ZFHX3: variants seen among roughly 807,000 people sequenced by gnomAD.
ZFHX3 encodes the protein zinc finger homeobox protein 3.
Under a neutral mutation model 279.1 loss-of-function variants are expected in ZFHX3, and 42 were observed. The observed-to-expected ratio is 0.15, with a 90% CI of 0.12 to 0.19. ZFHX3 has a LOEUF of 0.19. Ranked by LOEUF, ZFHX3 falls within the 10% of genes least tolerant of loss-of-function variation. The pLI, the probability that ZFHX3 is intolerant of heterozygous loss-of-function variation, is 1.00. For missense variants in ZFHX3, 4,981 were observed against 4,754.0 expected (o/e 1.05, Z -1.40); for synonymous variants, 2,293 against 1,957.8 (o/e 1.17, Z -4.52).
chr16:72,958,716 TCCTCCTCCTCCTCCG>T lies in ZFHX3; in HGVS notation c.1415_1429del (p.Ala472_Glu476del). The T allele has an allele frequency of 6.2e-7, 1 of 1,610,920 alleles. No homozygotes were observed. The highest frequency in any genetic ancestry group is 8.5e-7 in the Non-Finnish European group (1 of 1,178,336). On this transcript the variant is annotated inframe_deletion, in exon 2 of 10. Transcript: ENST00000268489. ...CTCCTCTTCTTCCTCCTCCTCTTCT[TCCTCCTCCTCCTCCG>T]CCTCTTCCTCCTCCTCTTCCTCCTC... is the stretch of plus-strand genomic sequence containing the variant.
chr16:73,135,295 G>C (rs1408557024), intron 6 of ZFHX3, among the ~76,000 whole-genome samples: 1 of 152,148 alleles, frequency 6.6e-6, no homozygotes, highest in African/African-American at 2.4e-5. Context: ...TACACACCGA[G>C]TTCATTCACC....
chr16:73,602,913 G>A (rs1327852561), intron 2 of ZFHX3, among the ~76,000 whole-genome samples: 1 of 147,548 alleles, frequency 6.8e-6, no homozygotes, highest in Non-Finnish European at 1.5e-5. Context: ...ACTCCAGCCT[G>A]GGTGAAACAG....
rs549452566 is a variant in ZFHX3 at position 73,412,588 on chromosome 16, G to C, written c.-1291+43415C>G. The stretch of plus-strand genomic sequence containing the variant: ...GGCCTCATACTTTGCCTCAGGGCAA[G>C]GTCTGTAGTGTTAAGACTGCCGATG... On this transcript the variant is annotated intron_variant, in intron 3 of 17. Coordinates refer to the ZFHX3 transcript ENST00000641206. 9.9e-5 allele frequency among the ~76,000 whole-genome samples: 15 copies of C among 152,256 alleles called. No individual in the cohort carries two copies. In the South Asian group the frequency reaches 2.7e-3, roughly 27 times the overall value.
intron 3 of ZFHX3, among the ~76,000 whole-genome samples, chr16:72,890,370 G>A (rs1249088611): frequency 6.6e-6 from 1 of 152,088 alleles, no homozygotes; most frequent in Non-Finnish European, 1.5e-5. Flanking sequence ...GTTTCCTGAG[G>A]CCTCCCCACC....
intron 3 of ZFHX3, among the ~76,000 whole-genome samples, chr16:73,332,172 A>C (rs2015817623): frequency 6.6e-6 from 1 of 152,248 alleles, no homozygotes; most frequent in African/African-American, 2.4e-5. Flanking sequence ...AGTTGACTAC[A>C]TAATAAAACC....
At chr16:72,943,333 A>C (rs1960501211) in intron 3 of ZFHX3, among the ~76,000 whole-genome samples, 1 of 152,172 alleles carries the variant, frequency 6.6e-6, no homozygotes, top group Admixed American at 6.5e-5. Context: ...CAGGAGTTTG[A>C]GACCAGCCTG....
At position 72,788,065 on chromosome 16, in the gene ZFHX3, G is replaced by T; in HGVS notation, c.10211C>A (p.Pro3404His). 1 of 1,611,964 alleles carries T rather than the reference G, an allele frequency of 6.2e-7. No homozygotes were observed. ...TTTGTCTGGGGAAGGAGCCCCGGGG[G>T]GGACTGGGGTTTGGCTTGCTTTGGG... ...QQPKASQTPV[P>H]PGAPSPDKDP... The change falls in exon 10 of 10, where the codon CCC becomes CAC. Residue 3404 changes from proline (P) to histidine (H), a missense_variant. Physicochemically the swap from Pro to His is moderately conservative, Grantham distance 77. Coordinates refer to ENST00000268489, the MANE Select transcript of ZFHX3 (RefSeq NM_006885.4).
At chr16:72,808,746 C>T (rs1186668022) in intron 7 of ZFHX3, among the ~76,000 whole-genome samples, 3 of 152,204 alleles carry the variant, frequency 2.0e-5, no homozygotes, top group African/African-American at 4.8e-5. Flanking sequence ...TACATAATTA[C>T]ATTGTCAGGG....
intron 2 of ZFHX3, among the ~76,000 whole-genome samples, chr16:73,678,246 G>A (rs1407681006): frequency 1.3e-5 from 2 of 152,250 alleles, no homozygotes; most frequent in African/African-American, 4.8e-5. Flanking sequence ...TGAACAGCAT[G>A]CAGTGAGTAA....
intron 2 of ZFHX3, among the ~76,000 whole-genome samples, chr16:73,554,490 C>A (rs573019040): frequency 7.3e-4 from 111 of 152,336 alleles, no homozygotes; most frequent in African/African-American, 2.6e-3. Flanking sequence ...AGCACTTAAA[C>A]GCGCTGTAGA....
chr16:73,860,857 T>C (rs952324972), intron 1 of ZFHX3, among the ~76,000 whole-genome samples: 4 of 152,062 alleles, frequency 2.6e-5, no homozygotes. Flanking sequence ...CAACCCCCAC[T>C]CACCGTTTTC....
intron 2 of ZFHX3, among the ~76,000 whole-genome samples, chr16:73,664,297 A>T (rs569297675): frequency 6.6e-6 from 1 of 152,200 alleles, no homozygotes; most frequent in Admixed American, 6.5e-5. Flanking sequence ...CCTAATTCCC[A>T]TGAAAAACAA....
chr16:73,866,714 C>T (rs954250322), intron 1 of ZFHX3, among the ~76,000 whole-genome samples: 2 of 152,124 alleles, frequency 1.3e-5, no homozygotes, highest in East Asian at 3.9e-4. Context: ...CCTCAGAAAC[C>T]GGATTTGATT....
rs191179292 is a variant in ZFHX3, at chr16:73,368,705, G to T, written c.-1290-50369C>A. On this transcript the variant is annotated intron_variant, in intron 3 of 17. Coordinates refer to the ZFHX3 transcript ENST00000641206. ...AAGGTACCATTTAAATACCTATTTC[G>T]GTATGTAATGGGTAATATTCTTGAG... is the stretch of plus-strand genomic sequence containing the variant. 3.0e-3 allele frequency among the ~76,000 whole-genome samples: 460 copies of T among 152,224 alleles called. 1 individual carries two copies. Among genetic ancestry groups the T allele is most frequent in the African/African-American group, 0.011 (437 of 41,538 alleles).
At chr16:73,387,370 T>A (rs983178742) in intron 3 of ZFHX3, 2 of 152,102 alleles carry the variant, frequency 1.3e-5, no homozygotes, top group African/African-American at 4.8e-5. Flanking sequence ...TAACAAATAA[T>A]GTTCTGCTTG....
chr16:73,720,164 TC>T (rs1402023581), intron 1 of ZFHX3, among the ~76,000 whole-genome samples: 1 of 152,264 alleles, frequency 6.6e-6, no homozygotes, highest in Non-Finnish European at 1.5e-5. Flanking sequence ...GTTTCATGTT[TC>T]ATTATTTAAC....
At chr16:73,723,234 T>C (rs2053491362) in intron 1 of ZFHX3, among the ~76,000 whole-genome samples, 1 of 152,254 alleles carries the variant, frequency 6.6e-6, no homozygotes, top group Non-Finnish European at 1.5e-5. Context: ...ACCAAACTTG[T>C]ATTATGTGTA....
At position 73,814,765 on chromosome 16, in the gene ZFHX3, A is replaced by G. The variant is rs111483612; in HGVS notation, c.-1608+76886T>C. Among the ~76,000 whole-genome samples the G allele has an allele frequency of 8.2e-3, 1,252 of 152,126 alleles. 19 individuals are homozygous for G. Among genetic ancestry groups the G allele is most frequent in the African/African-American group, 0.029 (1,198 of 41,508 alleles). On this transcript the variant is annotated intron_variant, in intron 1 of 17. Coordinates refer to the ZFHX3 transcript ENST00000641206. ...ATATTTTTAGTAAAGACAGGGTTTCACCATGTTGGCCAGGCTGGTCTCAAA... is the reference window on the plus strand; with the variant it reads ...ATATTTTTAGTAAAGACAGGGTTTCGCCATGTTGGCCAGGCTGGTCTCAAA...
intron 3 of ZFHX3, among the ~76,000 whole-genome samples, chr16:73,454,504 C>T (rs2018336839): frequency 6.6e-6 from 1 of 150,886 alleles, no homozygotes; most frequent in African/African-American, 2.4e-5. Flanking sequence ...CAGCAATTTT[C>T]TCAGAAATTT....
Sources: gnomAD v4.1 joint callset for allele counts (sites outside exome capture counted in the v4.1 genomes callset) on GRCh38, gnomAD v4.1.1 for gene constraint, MANE v1.5 for transcripts, NCBI Gene and HGNC (gene_info 2026-07-23, HGNC 2026-07-21) for gene names.